EPHA6: variants seen among roughly 807,000 people sequenced by gnomAD.
EPHA6 encodes the protein EPH receptor A6, also known as ephrin type-A receptor 6.
Under a neutral mutation model 112.0 loss-of-function variants are expected in EPHA6, and 50 were observed. That is an observed-to-expected ratio of 0.45 (90% confidence interval 0.36 to 0.56). The LOEUF (loss-of-function observed/expected upper bound fraction) is 0.56, where lower values mean the gene tolerates loss of function less well. EPHA6 is among the 20% of genes least tolerant of loss of function. The pLI is 0.00. For synonymous variants in EPHA6, 529 were observed against 490.7 expected (o/e 1.08, Z -1.03); for missense variants, 1,280 against 1,417.4 (o/e 0.90, Z 1.56).
intron 3 of EPHA6, among the ~76,000 whole-genome samples, chr3:97,092,938 T>TA (rs2047119514): frequency 6.6e-6 from 1 of 152,130 alleles, no homozygotes; most frequent in South Asian, 2.1e-4. Context: ...TTCAGGGAGC[T>TA]AGGCCTCTGC....
At chr3:97,587,141 G>C (rs1255763176) in intron 11 of EPHA6, among the ~76,000 whole-genome samples, 1 of 152,048 alleles carries the variant, frequency 6.6e-6, no homozygotes, top group Non-Finnish European at 1.5e-5. Flanking sequence ...TACTCGGGAG[G>C]CTGAGGCAGG....
intron 2 of EPHA6, among the ~76,000 whole-genome samples, chr3:96,935,668 T>C (rs893782533): frequency 1.3e-5 from 2 of 148,354 alleles, no homozygotes; most frequent in Non-Finnish European, 3.0e-5. Context: ...CAGTTCAACT[T>C]GCCTTAAACA....
intron 11 of EPHA6, among the ~76,000 whole-genome samples, chr3:97,591,556 T>C (rs533477961): frequency 6.6e-6 from 1 of 152,180 alleles, no homozygotes; most frequent in South Asian, 2.1e-4. Context: ...TTGTTTTGTT[T>C]TGTTTTGTTG....
chr3:96,921,840 T>C (rs913939431), intron 2 of EPHA6, among the ~76,000 whole-genome samples: 3 of 152,162 alleles, frequency 2.0e-5, no homozygotes, highest in Non-Finnish European at 4.4e-5. Context: ...AATGCTGTGA[T>C]GTCAAGCATG....
chr3:97,017,041 C>A (rs1399216097), intron 3 of EPHA6, among the ~76,000 whole-genome samples: 1 of 152,112 alleles, frequency 6.6e-6, no homozygotes, highest in African/African-American at 2.4e-5. Context: ...TATAGAGGGA[C>A]AGAGCAAGAT....
chr3:97,040,526 G>A (rs1404561474), intron 3 of EPHA6, among the ~76,000 whole-genome samples: 2 of 151,978 alleles, frequency 1.3e-5, no homozygotes, highest in South Asian at 4.1e-4. Flanking sequence ...GGATAGAAAA[G>A]CTTATTATGA....
chr3:97,694,077 A>C (rs2032856692), intron 14 of EPHA6, among the ~76,000 whole-genome samples: 1 of 152,048 alleles, frequency 6.6e-6, no homozygotes, highest in South Asian at 2.1e-4. Flanking sequence ...ATGGTCCCCT[A>C]TTAACTTTGA....
chr3:97,266,558 TACCTTTC>T (rs1286043135), intron 5 of EPHA6, among the ~76,000 whole-genome samples: 1 of 152,202 alleles, frequency 6.6e-6, no homozygotes, highest in Non-Finnish European at 1.5e-5. Context: ...CCCAGGATTG[TACCTTTC>T]ACTTTATTTG....
intron 12 of EPHA6, among the ~76,000 whole-genome samples, chr3:97,599,414 T>C (rs2093624273): frequency 1.4e-5 from 2 of 144,962 alleles, no homozygotes; most frequent in East Asian, 4.0e-4. Context: ...AACGTTTAAA[T>C]CTTTAATCCA....
At chr3:96,882,111 C>T (rs2037348425) in intron 2 of EPHA6, among the ~76,000 whole-genome samples, 2 of 152,140 alleles carry the variant, frequency 1.3e-5, no homozygotes, top group African/African-American at 2.4e-5. Context: ...GATGGTGGCC[C>T]TCTTCTTACA....
intron 4 of EPHA6, among the ~76,000 whole-genome samples, chr3:97,243,252 G>A (rs1477304031): frequency 6.6e-6 from 1 of 151,852 alleles, no homozygotes; most frequent in Non-Finnish European, 1.5e-5. Context: ...CTTGTGTTTA[G>A]TAAACTTAAT....
chr3:97,209,488 T>C (rs930550834), intron 3 of EPHA6, among the ~76,000 whole-genome samples: 12 of 152,300 alleles, frequency 7.9e-5, no homozygotes, highest in African/African-American at 2.4e-4. Context: ...ACTCACATCA[T>C]TGGCTTTTTG....
intron 15 of EPHA6, among the ~76,000 whole-genome samples, chr3:97,733,362 T>C (rs772384946): frequency 6.6e-6 from 1 of 152,078 alleles, no homozygotes; most frequent in African/African-American, 2.4e-5. Context: ...TATGAGATCA[T>C]TTTTGGACAA....
intron 5 of EPHA6, among the ~76,000 whole-genome samples, chr3:97,353,635 T>C (rs2083918372): frequency 6.6e-6 from 1 of 151,868 alleles, no homozygotes; most frequent in African/African-American, 2.4e-5. Flanking sequence ...ATCCCTAAGG[T>C]TTCCAACTAC....
At chr3:97,330,900 T>G (rs1252554479) in intron 5 of EPHA6, among the ~76,000 whole-genome samples, 2 of 152,118 alleles carry the variant, frequency 1.3e-5, no homozygotes, top group African/African-American at 4.8e-5. Flanking sequence ...GTGGACCTAA[T>G]AGACTTCTAC....
intron 14 of EPHA6, among the ~76,000 whole-genome samples, chr3:97,639,199 T>G (rs757168820): frequency 7.9e-5 from 12 of 151,936 alleles, no homozygotes; most frequent in Non-Finnish European, 1.5e-4. Flanking sequence ...AGTGTAGGAG[T>G]ATCTACTGAT....
intron 11 of EPHA6, among the ~76,000 whole-genome samples, chr3:97,539,042 T>TCTTG (rs2092806618): frequency 2.1e-5 from 3 of 143,236 alleles, no homozygotes; most frequent in South Asian, 2.2e-4. Context: ...TTTCTTGCTT[T>TCTTG]CTTTCTTTCT....
intron 14 of EPHA6, among the ~76,000 whole-genome samples, chr3:97,711,255 C>T (rs2033953363): frequency 6.6e-6 from 1 of 152,120 alleles, no homozygotes; most frequent in African/African-American, 2.4e-5. Context: ...TCCTTGCCTT[C>T]CACCATGATT....
chr3:97,043,850 T>G (rs1363214555), intron 3 of EPHA6, among the ~76,000 whole-genome samples: 1 of 152,198 alleles, frequency 6.6e-6, no homozygotes, highest in Non-Finnish European at 1.5e-5. Context: ...TATTTATTGC[T>G]ACAAGTGATT....
Sources: gnomAD v4.1 joint callset for allele counts (sites outside exome capture counted in the v4.1 genomes callset) on GRCh38, gnomAD v4.1.1 for gene constraint, MANE v1.5 for transcripts, NCBI Gene and HGNC (gene_info 2026-07-23, HGNC 2026-07-21) for gene names.